TENM4: variants seen among roughly 807,000 people sequenced by gnomAD.
TENM4 encodes the protein teneurin-4.
Under a neutral mutation model 243.3 loss-of-function variants are expected in TENM4, and 82 were observed. The ratio of observed to expected loss-of-function variants is 0.34; its 90% CI spans 0.28 to 0.40. The LOEUF is 0.40. Ranked by LOEUF, TENM4 falls within the 10% of genes least tolerant of loss-of-function variation. The pLI, the probability that TENM4 is intolerant of heterozygous loss-of-function variation, is 1.00. For synonymous variants in TENM4, 1,412 were observed against 1,456.3 expected (o/e 0.97, Z 0.69); for missense variants, 3,138 against 3,673.3 (o/e 0.85, Z 3.77).
chr11:79,109,822 T>C (rs1334049620), intron 4 of TENM4, among the ~76,000 whole-genome samples: 3 of 152,208 alleles, frequency 2.0e-5, no homozygotes, highest in East Asian at 1.9e-4. Context: ...TCACTAGCCA[T>C]GTGACTCTGG....
chr11:78,953,533 T>C (rs1358438610), intron 6 of TENM4, among the ~76,000 whole-genome samples: 1 of 152,184 alleles, frequency 6.6e-6, no homozygotes, highest in Non-Finnish European at 1.5e-5. Context: ...TACCACAATT[T>C]TGTGAAGTAC....
chr11:79,373,438 A>T lies in TENM4; in HGVS notation c.-321+67071T>A, dbSNP rs191953670. Among the ~76,000 whole-genome samples, 127 of 151,894 alleles carry T rather than the reference A, an allele frequency of 8.4e-4. 2 individuals carry two copies. The East Asian group carries it at 0.021, about 25-fold the overall frequency. ...GGTGACTGGCTGGCTGGCTGGATGA[A>T]TGGATGGATGGCTCGTTGAAAGGTT... On this transcript the variant is annotated intron_variant, in intron 1 of 33. Transcript: ENST00000278550.
chr11:79,420,238 T>C (rs1858902417), intron 1 of TENM4, among the ~76,000 whole-genome samples: 1 of 152,214 alleles, frequency 6.6e-6, no homozygotes, highest in Non-Finnish European at 1.5e-5. Context: ...CTTTGATGTT[T>C]TCCATAAAAT....
intron 6 of TENM4, among the ~76,000 whole-genome samples, chr11:78,995,504 T>C (rs1298100341): frequency 6.6e-6 from 1 of 152,168 alleles, no homozygotes; most frequent in Non-Finnish European, 1.5e-5. Flanking sequence ...GACCCTTTCA[T>C]AAGAGCCATT....
intron 1 of TENM4, among the ~76,000 whole-genome samples, chr11:79,405,012 G>T (rs943844222): frequency 1.3e-5 from 2 of 152,118 alleles, no homozygotes; most frequent in Non-Finnish European, 2.9e-5. Context: ...ATGTGCATTT[G>T]TTGACTTATG....
intron 2 of TENM4, among the ~76,000 whole-genome samples, chr11:79,259,982 A>C (rs749304660): frequency 6.6e-6 from 1 of 152,134 alleles, no homozygotes; most frequent in Non-Finnish European, 1.5e-5. Flanking sequence ...TTAATAATCA[A>C]CTTAGTGGGA....
At chr11:79,399,191 C>T (rs898958677) in intron 1 of TENM4, among the ~76,000 whole-genome samples, 4 of 152,158 alleles carry the variant, frequency 2.6e-5, no homozygotes, top group African/African-American at 9.7e-5. Flanking sequence ...CTCTGATTAG[C>T]GAGCAATTTC....
At chr11:79,165,952 T>A (rs1862902204) in intron 3 of TENM4, among the ~76,000 whole-genome samples, 1 of 152,216 alleles carries the variant, frequency 6.6e-6, no homozygotes, top group African/African-American at 2.4e-5. Context: ...TGACTGTAAG[T>A]ATTTGGCTTT....
At chr11:78,954,808 G>T (rs1327784255) in intron 6 of TENM4, among the ~76,000 whole-genome samples, 1 of 152,264 alleles carries the variant, frequency 6.6e-6, no homozygotes, top group South Asian at 2.1e-4. Context: ...GCACACCGCT[G>T]TGGCACAGAC....
At chr11:78,888,128 C>T (rs1162471675) in intron 9 of TENM4, among the ~76,000 whole-genome samples, 2 of 152,216 alleles carry the variant, frequency 1.3e-5, no homozygotes, top group Non-Finnish European at 2.9e-5. Context: ...TAGGCCTTGA[C>T]CTCTCCCAGT....
rs1381618737 is a variant in TENM4 at position 78,657,932 on chromosome 11, C to T, written c.*126G>A. On this transcript the variant is annotated 3_prime_UTR_variant, in exon 34 of 34. Coordinates refer to ENST00000278550, the MANE Select transcript of TENM4 (RefSeq NM_001098816.3). ...AAAAAAAAGGATGTTGCATGAGTTA[C>T]AATGCAACCAGTATCTTTTTGTTTC... The T allele has an allele frequency of 7.0e-7, 1 of 1,419,184 alleles. No homozygotes were observed. The highest frequency in any genetic ancestry group is 2.3e-5 in the East Asian group (1 of 43,942). The allele number at this position is 1,419,184 out of a possible 1,614,324, so 87.9% of individuals were successfully genotyped here. A position where few individuals can be genotyped will look rare whatever the true frequency, so the allele number is the denominator to read the frequency against.
intron 3 of TENM4, among the ~76,000 whole-genome samples, chr11:79,192,529 C>T (rs558914074): frequency 3.4e-4 from 51 of 152,150 alleles, no homozygotes; most frequent in Admixed American, 2.9e-3. Context: ...GGATTAAGGG[C>T]GGTGCAAGAT....
chr11:79,035,934 T>G (rs1361507229), intron 6 of TENM4, among the ~76,000 whole-genome samples: 1 of 152,240 alleles, frequency 6.6e-6, no homozygotes, highest in Non-Finnish European at 1.5e-5. Context: ...CATATTATAG[T>G]CAGTCTTGAT....
intron 4 of TENM4, among the ~76,000 whole-genome samples, chr11:79,089,300 C>T (rs898681454): frequency 7.9e-5 from 12 of 152,156 alleles, no homozygotes; most frequent in African/African-American, 1.4e-4. Flanking sequence ...CTTTTTGCCT[C>T]GACCTTCCCA....
intron 12 of TENM4, among the ~76,000 whole-genome samples, chr11:78,821,075 T>G (rs1857715619): frequency 6.6e-6 from 1 of 152,250 alleles, no homozygotes; most frequent in African/African-American, 2.4e-5. Flanking sequence ...CCTGACAGAC[T>G]GGGCTTGAAG....
intron 20 of TENM4, among the ~76,000 whole-genome samples, chr11:78,734,274 G>C (rs1447699756): frequency 6.6e-6 from 1 of 152,136 alleles, no homozygotes; most frequent in Admixed American, 6.5e-5. Flanking sequence ...ACAGAAAGTT[G>C]AAATCAAGTA....
At chr11:78,951,031 C>G (rs1857098309) in intron 6 of TENM4, among the ~76,000 whole-genome samples, 1 of 152,232 alleles carries the variant, frequency 6.6e-6, no homozygotes, top group Non-Finnish European at 1.5e-5. Flanking sequence ...GGTTATGTTG[C>G]TTGTCTCCTC....
At chr11:79,419,350 C>T (rs77165503) in intron 1 of TENM4, among the ~76,000 whole-genome samples, 14,124 of 152,200 alleles carry the variant, frequency 0.093, 703 homozygotes, top group Non-Finnish European at 0.11. Context: ...ACAGGGCAGT[C>T]GAGCTGTTCA....
chr11:79,051,318 C>A (rs912926649), intron 6 of TENM4, among the ~76,000 whole-genome samples: 1 of 152,150 alleles, frequency 6.6e-6, no homozygotes, highest in African/African-American at 2.4e-5. Flanking sequence ...AAGAGACCTG[C>A]CTTGTTTAAC....
Sources: allele counts gnomAD v4.1 joint callset (sites outside exome capture counted in the v4.1 genomes callset), GRCh38; gene constraint gnomAD v4.1.1; transcripts MANE v1.5; gene names NCBI Gene and HGNC (gene_info 2026-07-23, HGNC 2026-07-21).